Variants in PDE3A observed in about 807,000 individuals in gnomAD.
PDE3A encodes phosphodiesterase 3A.
In PDE3A, 43 loss-of-function variants were observed where a neutral mutation model predicts 98.3. The ratio of observed to expected loss-of-function variants is 0.44; its 90% CI spans 0.34 to 0.56. PDE3A has a LOEUF of 0.56. PDE3A is among the 20% of genes least tolerant of loss of function. The pLI, the probability that PDE3A is intolerant of heterozygous loss-of-function variation, is 0.01. For synonymous variants in PDE3A, 663 were observed against 567.9 expected, an observed-to-expected ratio of 1.17 and a Z score of -2.38; for missense variants, 1,427 against 1,440.7, an observed-to-expected ratio of 0.99 and a Z score of 0.15.
intron 1 of PDE3A, among the ~76,000 whole-genome samples, chr12:20,401,838 T>G (rs1229965732): frequency 2.6e-5 from 4 of 152,228 alleles, no homozygotes; most frequent in African/African-American, 9.6e-5. Flanking sequence ...GCGCCCCACA[T>G]TATTTATTGC....
chr12:20,594,144 A>T (rs553695651), intron 2 of PDE3A, among the ~76,000 whole-genome samples: 18 of 152,310 alleles, frequency 1.2e-4, no homozygotes, highest in Admixed American at 2.0e-4. Flanking sequence ...ATAATTTTTT[A>T]AAAAATGGTT....
At chr12:20,540,471 T>C (rs926219655) in intron 1 of PDE3A, among the ~76,000 whole-genome samples, 5 of 152,060 alleles carry the variant, frequency 3.3e-5, no homozygotes, top group African/African-American at 1.2e-4. Context: ...CTTCTGAGAA[T>C]ATTATCTTGG....
intron 1 of PDE3A, among the ~76,000 whole-genome samples, chr12:20,464,736 C>T (rs1442821223): frequency 6.6e-6 from 1 of 152,132 alleles, no homozygotes; most frequent in African/African-American, 2.4e-5. Context: ...CTATAAATTG[C>T]TGACGTGGGA....
intron 2 of PDE3A, among the ~76,000 whole-genome samples, chr12:20,608,381 A>T (rs934459257): frequency 1.5e-4 from 22 of 151,498 alleles, no homozygotes; most frequent in African/African-American, 5.3e-4. Flanking sequence ...TACTAAGGAT[A>T]TTTTTTTTTT....
At chr12:20,650,104 G>T (rs1049000857) in intron 13 of PDE3A, among the ~76,000 whole-genome samples, 1 of 151,898 alleles carries the variant, frequency 6.6e-6, no homozygotes, top group Non-Finnish European at 1.5e-5. Flanking sequence ...AGAGTAAATG[G>T]GGTATCTGTC....
chr12:20,556,140 G>A (rs1286762331), intron 1 of PDE3A, among the ~76,000 whole-genome samples: 1 of 151,974 alleles, frequency 6.6e-6, no homozygotes, highest in African/African-American at 2.4e-5. Flanking sequence ...TATTTTATAG[G>A]TTATTATTAA....
chr12:20,560,635 A>ATTTATTTACTTACTTATTTG (rs1942491129), intron 2 of PDE3A, among the ~76,000 whole-genome samples: 1 of 152,122 alleles, frequency 6.6e-6, no homozygotes, highest in East Asian at 1.9e-4. Context: ...AGAGTGATTT[A>ATTTATTTACTTACTTATTTG]TTTATTTACT....
At chr12:20,652,897 A>G (rs1419287736) in intron 14 of PDE3A, among the ~76,000 whole-genome samples, 2 of 152,240 alleles carry the variant, frequency 1.3e-5, no homozygotes, top group Non-Finnish European at 2.9e-5. Context: ...GGCAACCTAC[A>G]GAATGGGAGA....
intron 2 of PDE3A, among the ~76,000 whole-genome samples, chr12:20,604,301 A>G (rs1037027110): frequency 1.3e-5 from 2 of 152,162 alleles, no homozygotes; most frequent in African/African-American, 2.4e-5. Context: ...TTTGAACAGA[A>G]GCAGTCTAAC....
At chr12:20,523,830 C>T (rs969529590) in intron 1 of PDE3A, among the ~76,000 whole-genome samples, 17 of 152,106 alleles carry the variant, frequency 1.1e-4, no homozygotes, top group Admixed American at 9.2e-4. Flanking sequence ...TGATTCACTT[C>T]GTAGAAAAGT....
chr12:20,390,454 T>C (rs1261430424), intron 1 of PDE3A, among the ~76,000 whole-genome samples: 1 of 91,898 alleles, frequency 1.1e-5, no homozygotes, highest in Non-Finnish European at 2.3e-5. Context: ...AAAGGTGATT[T>C]AAGAAAAAAA....
intron 1 of PDE3A, among the ~76,000 whole-genome samples, chr12:20,423,320 C>T (rs1438152020): frequency 6.6e-6 from 1 of 152,122 alleles, no homozygotes; most frequent in Non-Finnish European, 1.5e-5. Flanking sequence ...CCCTCTCTTT[C>T]TTTCTGTTTC....
intron 2 of PDE3A, among the ~76,000 whole-genome samples, chr12:20,610,006 A>G (rs1222636621): frequency 6.6e-6 from 1 of 151,966 alleles, no homozygotes; most frequent in Admixed American, 6.6e-5. Context: ...CTTGGATAAC[A>G]CACCAAAATC....
At chr12:20,531,944 GT>G (rs11350207) in intron 1 of PDE3A, among the ~76,000 whole-genome samples, 111,092 of 149,304 alleles carry the variant, frequency 0.74, 42,113 homozygotes, top group East Asian at 0.97. Flanking sequence ...TGAAATAAAA[GT>G]TTTTTTTTTT....
chr12:20,492,685 G>A (rs113072875), intron 1 of PDE3A, among the ~76,000 whole-genome samples: 54 of 152,246 alleles, frequency 3.5e-4, no homozygotes, highest in African/African-American at 1.3e-3. Context: ...ATTGGATTAC[G>A]CTGCTGCACT....
intron 1 of PDE3A, among the ~76,000 whole-genome samples, chr12:20,469,616 G>A (rs1169477006): frequency 6.6e-6 from 1 of 152,092 alleles, no homozygotes; most frequent in East Asian, 1.9e-4. Context: ...TAATTATTTA[G>A]GACCTGTTTC....
chr12:20,462,607 A>G (rs1945270403), intron 1 of PDE3A, among the ~76,000 whole-genome samples: 1 of 151,996 alleles, frequency 6.6e-6, no homozygotes. Flanking sequence ...GATAATTCTG[A>G]TTTGTTTGCT....
At chr12:20,406,582 A>T (rs1039347885) in intron 1 of PDE3A, among the ~76,000 whole-genome samples, 3 of 152,108 alleles carry the variant, frequency 2.0e-5, no homozygotes, top group Non-Finnish European at 4.4e-5. Context: ...CTGTTGTATA[A>T]GTTCCCGATA....
At chr12:20,649,822 G>A (rs1419818827) in intron 13 of PDE3A, among the ~76,000 whole-genome samples, 1 of 152,050 alleles carries the variant, frequency 6.6e-6, no homozygotes, top group African/African-American at 2.4e-5. Flanking sequence ...CCTACTTGCG[G>A]GGGCTGAGGC....
Sources: allele counts gnomAD v4.1 joint callset (sites outside exome capture counted in the v4.1 genomes callset), GRCh38; gene constraint gnomAD v4.1.1; transcripts MANE v1.5; gene names NCBI Gene and HGNC (gene_info 2026-07-23, HGNC 2026-07-21).